Variants in TMEM117 observed in about 807,000 individuals in gnomAD.
The protein encoded by TMEM117 is transmembrane protein 117.
In TMEM117, 27 loss-of-function variants were observed where a neutral mutation model predicts 52.4. That is an observed-to-expected ratio of 0.51 (90% confidence interval 0.38 to 0.71). TMEM117 has a LOEUF of 0.71. Ranked by LOEUF, TMEM117 falls within the 30% of genes least tolerant of loss-of-function variation. TMEM117 has a pLI of 0.00. For missense variants in TMEM117, 556 were observed against 630.5 expected, an observed-to-expected ratio of 0.88 and a Z score of 1.26; for synonymous variants, 215 against 206.3, an observed-to-expected ratio of 1.04 and a Z score of -0.36.
chr12:43,813,437 G>A, the TMEM117 span, among the ~76,000 whole-genome samples: 2 of 151,568 alleles, frequency 1.3e-5, no homozygotes, highest in African/African-American at 2.4e-5. Flanking sequence ...TAGAGACAGG[G>A]TTTCACCATG....
chr12:43,941,606 C>T (rs906539534), intron 2 of TMEM117, among the ~76,000 whole-genome samples: 1 of 152,160 alleles, frequency 6.6e-6, no homozygotes, highest in Admixed American at 6.5e-5. Flanking sequence ...ATGTTTCTAA[C>T]ATTCGAGGGT....
intron 6 of TMEM117, among the ~76,000 whole-genome samples, chr12:44,358,438 TAGGTGATGTACATC>T (rs1951680611): frequency 6.6e-6 from 1 of 152,136 alleles, no homozygotes; most frequent in Non-Finnish European, 1.5e-5. Context: ...AACAAATGGA[TAGGTGATGTACATC>T]AGGTAGTTGT....
rs1943135368 is a variant in TMEM117, at chr12:43,842,726, A to G, written c.-28-1898A>G. ...TTTATAAAGGATTCTTTCTCAACAC[A>G]CACACACACACACACGTGCACGCAC... On this transcript the variant is annotated intron_variant, in intron 1 of 7. Transcript: ENST00000266534. Among the ~76,000 whole-genome samples, 3 of 151,412 alleles carry G rather than the reference A, an allele frequency of 2.0e-5. No individual in the cohort carries two copies. In the South Asian group the frequency reaches 6.3e-4, roughly 32 times the overall value.
chr12:44,123,117 A>G (rs1195339702), intron 3 of TMEM117, among the ~76,000 whole-genome samples: 2 of 152,054 alleles, frequency 1.3e-5, no homozygotes, highest in Non-Finnish European at 2.9e-5. Context: ...CTGGCATGAG[A>G]TAGTATCTCA....
At chr12:44,365,303 A>G (rs974136465) in intron 6 of TMEM117, among the ~76,000 whole-genome samples, 24 of 152,070 alleles carry the variant, frequency 1.6e-4, no homozygotes, top group African/African-American at 5.3e-4. Context: ...AATCCTAAGA[A>G]AATATTATTT....
the TMEM117 span, among the ~76,000 whole-genome samples, chr12:43,824,912 C>T: frequency 2.4e-4 from 36 of 152,256 alleles, no homozygotes; most frequent in East Asian, 1.9e-4. Context: ...CCAGCCTGGG[C>T]GACAGAGCGA....
intron 3 of TMEM117, among the ~76,000 whole-genome samples, chr12:44,080,015 CAA>C (rs747963448): frequency 0.066 from 3,837 of 57,800 alleles, 96 homozygotes; most frequent in South Asian, 0.13. Context: ...AACTCCATCT[CAA>C]AAAAAAAAAA....
At chr12:43,802,752 G>C in the TMEM117 span, among the ~76,000 whole-genome samples, 2 of 152,044 alleles carry the variant, frequency 1.3e-5, no homozygotes, top group Admixed American at 6.6e-5. Flanking sequence ...ATAATGTAAT[G>C]ACCTATAACA....
In TMEM117 at chr12:44,289,701, C is replaced by T. The variant is rs191265676; in HGVS notation, c.609-9879C>T. Among the ~76,000 whole-genome samples the T allele has an allele frequency of 1.1e-3, 169 of 151,794 alleles. 2 individuals carry two copies. In the East Asian group the frequency reaches 0.023, roughly 20 times the overall value. On this transcript the variant is annotated intron_variant, in intron 5 of 7. Coordinates refer to ENST00000266534, the MANE Select transcript of TMEM117 (RefSeq NM_032256.3). Reference sequence around the variant, plus strand: ...CCGAGTAACTGGGATTGCAGGCGCCCGCCACCATGCCTGGCTAATTTTTTG... The same window carrying T: ...CCGAGTAACTGGGATTGCAGGCGCCTGCCACCATGCCTGGCTAATTTTTTG...
In TMEM117 at chr12:43,944,304, C is replaced by T. The variant is rs1339095454; in HGVS notation, c.372C>T (p.His124=). ...STILFLFIFS[H]IYNTILLMDG... is the part of the protein sequence containing the mutation. ...TTCTCTTTCTCTTCATATTTTCTCA[C>T]ATATACAACACGATTCTTCTAATGG... Residue 124 remains histidine (H), a synonymous_variant, in exon 3 of 8, where the codon CAC becomes CAT. Transcript: ENST00000266534. 9.3e-6 allele frequency: 15 copies of T among 1,612,758 alleles called. No homozygotes were observed. Among genetic ancestry groups the T allele is most frequent in the Non-Finnish European group, 1.3e-5 (15 of 1,178,896 alleles).
At chr12:43,868,518 C>T (rs964592638) in intron 2 of TMEM117, among the ~76,000 whole-genome samples, 1 of 151,620 alleles carries the variant, frequency 6.6e-6, no homozygotes, top group Non-Finnish European at 1.5e-5. Flanking sequence ...TGCCACTGCA[C>T]TCCAGCCTGG....
At chr12:44,381,940 T>C (rs1952026897) in intron 7 of TMEM117, among the ~76,000 whole-genome samples, 1 of 152,134 alleles carries the variant, frequency 6.6e-6, no homozygotes, top group Non-Finnish European at 1.5e-5. Flanking sequence ...TAAGGAAATG[T>C]GTTGCATCCT....
chr12:44,343,049 C>T (rs1302124126), intron 6 of TMEM117, among the ~76,000 whole-genome samples: 1 of 151,116 alleles, frequency 6.6e-6, no homozygotes. Flanking sequence ...CCATACCCAG[C>T]TAATTTTTTT....
chr12:43,872,327 T>C (rs773711543), intron 2 of TMEM117, among the ~76,000 whole-genome samples: 2 of 150,934 alleles, frequency 1.3e-5, no homozygotes, highest in Non-Finnish European at 2.9e-5. Flanking sequence ...CAGACCATCA[T>C]TATGAGCACG....
chr12:43,878,819 A>G lies in TMEM117; in HGVS notation c.277+33891A>G, dbSNP rs17093804. On this transcript the variant is annotated intron_variant, in intron 2 of 7. Transcript: ENST00000266534. The stretch of plus-strand genomic sequence containing the variant: ...GGAAAAGTAAAATTGGTTATTGCTC[A>G]TGGAAAAAATCTTGATCATTCAATG... Among the ~76,000 whole-genome samples the G allele has an allele frequency of 8.7e-3, 1,322 of 152,320 alleles. 38 individuals are homozygous for G. The highest frequency in any genetic ancestry group is 0.066 in the East Asian group (345 of 5,188).
intron 5 of TMEM117, among the ~76,000 whole-genome samples, chr12:44,261,968 C>A (rs1049206356): frequency 6.6e-6 from 1 of 152,092 alleles, no homozygotes; most frequent in Non-Finnish European, 1.5e-5. Context: ...TGGAGAATTA[C>A]CTTGTTTAAT....
At chr12:43,895,687 C>T (rs1357757067) in intron 2 of TMEM117, among the ~76,000 whole-genome samples, 1 of 152,132 alleles carries the variant, frequency 6.6e-6, no homozygotes, top group Non-Finnish European at 1.5e-5. Context: ...GTCAAGGAAA[C>T]TTTTATCAGA....
At chr12:44,135,193 G>T (rs1389259467) in intron 3 of TMEM117, among the ~76,000 whole-genome samples, 1 of 152,110 alleles carries the variant, frequency 6.6e-6, no homozygotes, top group Non-Finnish European at 1.5e-5. Flanking sequence ...TACCAGAAAA[G>T]GAAACAATAG....
intron 1 of TMEM117, among the ~76,000 whole-genome samples, chr12:43,838,718 C>T (rs1445219869): frequency 6.6e-6 from 1 of 150,742 alleles, no homozygotes; most frequent in African/African-American, 2.5e-5. Flanking sequence ...TTATACTTCA[C>T]ACAATGGTAA....
Sources: allele counts gnomAD v4.1 joint callset (sites outside exome capture counted in the v4.1 genomes callset), GRCh38; gene constraint gnomAD v4.1.1; transcripts MANE v1.5; gene names NCBI Gene and HGNC (gene_info 2026-07-23, HGNC 2026-07-21).